PTPRD: variants seen among roughly 807,000 people sequenced by gnomAD.
PTPRD encodes the protein receptor-type tyrosine-protein phosphatase delta.
PTPRD carries 34 observed loss-of-function variants against 214.5 expected under a neutral mutation model. The ratio of observed to expected loss-of-function variants is 0.16; its 90% confidence interval spans 0.12 to 0.21. PTPRD has a LOEUF of 0.21. Ranked by LOEUF, PTPRD falls within the 10% of genes least tolerant of loss-of-function variation. The pLI, the probability that PTPRD is intolerant of heterozygous loss-of-function variation, is 1.00. For synonymous variants in PTPRD, 1,128 were observed against 845.7 expected (o/e 1.33, Z -5.79); for missense variants, 2,545 against 2,398.7 (o/e 1.06, Z -1.27).
chr9:9,015,413 T>C (rs1425188328), intron 11 of PTPRD, among the ~76,000 whole-genome samples: 1 of 152,148 alleles, frequency 6.6e-6, no homozygotes, highest in Admixed American at 6.6e-5. Flanking sequence ...ACCAGCGCCA[T>C]GACAGTTTAC....
chr9:9,045,705 C>G (rs1590418494), intron 10 of PTPRD, among the ~76,000 whole-genome samples: 1 of 152,138 alleles, frequency 6.6e-6, no homozygotes, highest in Non-Finnish European at 1.5e-5. Context: ...TTCCATAATC[C>G]TGTGAACACA....
intron 6 of PTPRD, among the ~76,000 whole-genome samples, chr9:9,764,300 C>A (rs112277116): frequency 6.6e-5 from 10 of 152,204 alleles, no homozygotes; most frequent in African/African-American, 2.4e-4. Context: ...ATCATACTAA[C>A]AAAACCTAAA....
At chr9:9,280,479 C>G (rs975158033) in intron 9 of PTPRD, among the ~76,000 whole-genome samples, 1 of 150,970 alleles carries the variant, frequency 6.6e-6, no homozygotes, top group African/African-American at 2.4e-5. Flanking sequence ...CTTTTATATA[C>G]CAACAATGAA....
intron 14 of PTPRD, among the ~76,000 whole-genome samples, chr9:8,569,431 C>T (rs1264821543): frequency 1.3e-5 from 2 of 152,046 alleles, no homozygotes; most frequent in African/African-American, 2.4e-5. Flanking sequence ...AGGGGAAGAA[C>T]TTTACTAACC....
chr9:8,493,121 C>T (rs1563801128), intron 26 of PTPRD, 142 bp from the exon 27 acceptor site: 1 of 660,596 alleles, frequency 1.5e-6, no homozygotes, highest in Non-Finnish European at 2.7e-6. Flanking sequence ...CATGCCTGAG[C>T]TCATGCTATG....
chr9:8,493,063 T>C, intron 26 of PTPRD, 84 bp from the exon 27 acceptor site: 2 of 1,144,060 alleles, frequency 1.7e-6, no homozygotes, highest in Non-Finnish European at 2.6e-6. Context: ...GCCTTCATTC[T>C]GCAAATGCTC....
intron 2 of PTPRD, among the ~76,000 whole-genome samples, chr9:10,558,060 G>T (rs2063030988): frequency 6.6e-6 from 1 of 152,034 alleles, no homozygotes; most frequent in Non-Finnish European, 1.5e-5. Flanking sequence ...TAATTTCTAT[G>T]GTTGTATCTG....
intron 7 of PTPRD, among the ~76,000 whole-genome samples, chr9:9,683,234 C>T (rs1450884313): frequency 6.6e-6 from 1 of 151,648 alleles, no homozygotes; most frequent in Non-Finnish European, 1.5e-5. Context: ...AATTAAGAAG[C>T]TGAACATGAA....
intron 14 of PTPRD, among the ~76,000 whole-genome samples, chr9:8,599,907 G>A (rs1022142426): frequency 1.6e-4 from 24 of 152,054 alleles, no homozygotes; most frequent in African/African-American, 4.3e-4. Flanking sequence ...CATGAGCCAC[G>A]GCGCCTGGCC....
Position 10,023,516 on chromosome 9 carries a change from A to G in PTPRD, c.-472+10202T>C, listed in dbSNP as rs557685948. 5.9e-5 allele frequency among the ~76,000 whole-genome samples: 9 copies of G among 152,282 alleles called. No individual in the cohort carries two copies. The South Asian group carries it at 1.9e-3, about 32-fold the overall frequency. On this transcript the variant is annotated intron_variant, in intron 4 of 45. Transcript: ENST00000381196. ...TAAAGTTAACTTCTGTGTTTGTACC[A>G]TCAAATATTTCACAAATCTTTATAT... is the stretch of plus-strand genomic sequence containing the variant.
chr9:10,350,400 G>T (rs1597781229), intron 2 of PTPRD, among the ~76,000 whole-genome samples: 1 of 150,978 alleles, frequency 6.6e-6, no homozygotes, highest in East Asian at 1.9e-4. Flanking sequence ...TATACTTTAG[G>T]GTGGCTCACT....
intron 6 of PTPRD, among the ~76,000 whole-genome samples, chr9:9,740,273 C>G (rs1163497868): frequency 6.6e-6 from 1 of 152,024 alleles, no homozygotes; most frequent in Non-Finnish European, 1.5e-5. Context: ...GCATATTAGC[C>G]ATTAATATAT....
At chr9:10,215,385 A>G (rs1400775304) in intron 3 of PTPRD, among the ~76,000 whole-genome samples, 4 of 152,090 alleles carry the variant, frequency 2.6e-5, no homozygotes, top group Admixed American at 2.0e-4. Flanking sequence ...AGAAACAAAG[A>G]TAGGTACTAA....
intron 3 of PTPRD, among the ~76,000 whole-genome samples, chr9:10,158,002 T>TG (rs575711193): frequency 4.8e-5 from 7 of 145,402 alleles, no homozygotes; most frequent in East Asian, 2.0e-4. Flanking sequence ...TGTTTATGGT[T>TG]TTTTGTTTGT....
chr9:9,813,229 A>T (rs1282171846), intron 5 of PTPRD, among the ~76,000 whole-genome samples: 1 of 152,062 alleles, frequency 6.6e-6, no homozygotes, highest in East Asian at 1.9e-4. Flanking sequence ...CTAATTTTAC[A>T]TCTGAAGAAA....
intron 9 of PTPRD, among the ~76,000 whole-genome samples, chr9:9,211,485 T>C (rs1593654880): frequency 6.6e-6 from 1 of 150,798 alleles, no homozygotes; most frequent in East Asian, 2.0e-4. Flanking sequence ...CTTCTTTCTT[T>C]CCTTCCTTCC....
chr9:8,568,164 C>A (rs528052458), intron 14 of PTPRD, among the ~76,000 whole-genome samples: 94 of 152,062 alleles, frequency 6.2e-4, no homozygotes, highest in Non-Finnish European at 1.3e-3. Flanking sequence ...GTTTAGTCAG[C>A]AAAATGTTTT....
At chr9:9,529,008 G>C (rs1403693653) in intron 8 of PTPRD, among the ~76,000 whole-genome samples, 2 of 146,884 alleles carry the variant, frequency 1.4e-5, no homozygotes, top group Admixed American at 6.9e-5. Context: ...GTGTGATCTT[G>C]GTTCACTGCA....
At chr9:8,951,556 A>C (rs2099102388) in intron 11 of PTPRD, among the ~76,000 whole-genome samples, 1 of 151,744 alleles carries the variant, frequency 6.6e-6, no homozygotes, top group African/African-American at 2.4e-5. Context: ...GCATATCACA[A>C]CCAAATTCTT....
Sources: gnomAD v4.1 joint callset for allele counts (sites outside exome capture counted in the v4.1 genomes callset) on GRCh38, gnomAD v4.1.1 for gene constraint, MANE v1.5 for transcripts, NCBI Gene and HGNC (gene_info 2026-07-23, HGNC 2026-07-21) for gene names.